The following XPA variants were observed in gnomAD, a reference collection of about 807,000 sequenced individuals.
The protein encoded by XPA is XPA, DNA damage recognition and repair factor.
A neutral mutation model predicts 35.7 loss-of-function variants in XPA; 27 were observed. The ratio of observed to expected loss-of-function variants is 0.76; its 90% CI spans 0.56 to 1.04. The LOEUF is 1.04. XPA is among the 50% of genes least tolerant of loss of function. XPA has a pLI of 0.00. For missense variants in XPA, 354 were observed against 342.7 expected, an observed-to-expected ratio of 1.03 and a Z score of -0.26; for synonymous variants, 133 against 118.4, an observed-to-expected ratio of 1.12 and a Z score of -0.80.
At chr9:97,663,174 C>T in the XPA span, 16 of 691,304 alleles carry the variant, frequency 2.3e-5, no homozygotes, top group Non-Finnish European at 4.0e-5. Flanking sequence ...GTTTTTAGAT[C>T]TAATTCTTTC....
downstream of XPA, chr9:97,674,788 A>G: frequency 2.6e-6 from 1 of 381,904 alleles, no homozygotes; most frequent in South Asian, 2.2e-5. Context: ...GCCTTCTTTG[A>G]TCAACAATCA....
chr9:97,686,177 A>G (rs1828711192), intron 4 of XPA, among the ~76,000 whole-genome samples: 1 of 152,216 alleles, frequency 6.6e-6, no homozygotes, highest in Non-Finnish European at 1.5e-5. Flanking sequence ...AGTATAGTAT[A>G]TATTCAAACT....
At chr9:97,659,604 G>A in the XPA span, among the ~76,000 whole-genome samples, 1 of 152,190 alleles carries the variant, frequency 6.6e-6, no homozygotes, top group Non-Finnish European at 1.5e-5. Flanking sequence ...GAGTGGTGGA[G>A]CCCAAATTCA....
chr9:97,662,345 A>G, the XPA span, among the ~76,000 whole-genome samples: 102 of 152,334 alleles, frequency 6.7e-4, no homozygotes, highest in African/African-American at 2.4e-3. Flanking sequence ...GCATATGTAC[A>G]TGGTAAGTGC....
intron 3 of XPA, among the ~76,000 whole-genome samples, chr9:97,688,791 C>T (rs1828795426): frequency 6.6e-6 from 1 of 151,704 alleles, no homozygotes; most frequent in South Asian, 2.1e-4. Flanking sequence ...TGATGGCTCC[C>T]AATGTCTGCA....
intron 4 of XPA, among the ~76,000 whole-genome samples, chr9:97,686,828 G>A (rs902066130): frequency 2.0e-5 from 3 of 152,190 alleles, no homozygotes; most frequent in Non-Finnish European, 4.4e-5. Context: ...ACCTGAGCCC[G>A]GGAGGTCAAG....
chr9:97,674,942 A>AT lies in XPA; in HGVS notation c.*496dup, dbSNP rs1434024091. 3.9e-6 allele frequency: 2 copies of AT among 515,684 alleles called. No homozygotes were observed. Among genetic ancestry groups the AT allele is most frequent in the South Asian group, 3.1e-5 (2 of 65,018 alleles). 31.9% of individuals were successfully genotyped at this position (515,684 alleles called of 1,614,324 possible). A position where few individuals can be genotyped will look rare whatever the true frequency, so the allele number is the denominator to read the frequency against. On this transcript the variant is annotated 3_prime_UTR_variant, in exon 6 of 6. Transcript: ENST00000375128. ...GTACAACTCAATGTTTATTTCTGCT[A>AT]TTAGGGCTTTTTCCAGCAGTAGTTC...
the XPA span, chr9:97,655,570 C>T: frequency 9.8e-6 from 6 of 612,768 alleles, no homozygotes; most frequent in East Asian, 1.5e-4. Flanking sequence ...GATACAACTG[C>T]ATGTAGGGGA....
At position 97,675,265 on chromosome 9, in the gene XPA, C is replaced by T. The variant is rs575260773; in HGVS notation, c.*174G>A. 3 of 794,856 alleles carry T rather than the reference C, an allele frequency of 3.8e-6. No homozygotes were observed. Among genetic ancestry groups the T allele is most frequent in the African/African-American group, 1.7e-5 (1 of 58,216 alleles). 49.2% of individuals were successfully genotyped at this position (794,856 alleles called of 1,614,324 possible). A position where few individuals can be genotyped will look rare whatever the true frequency, so the allele number is the denominator to read the frequency against. ...ACACAACCAGGCCAGGTGACCTTCA[C>T]TGAAACTTGCTTTTAAGCCATAACA... On this transcript the variant is annotated 3_prime_UTR_variant, in exon 6 of 6. Coordinates refer to ENST00000375128, the MANE Select transcript of XPA (RefSeq NM_000380.4).
the XPA span, chr9:97,662,201 A>T: frequency 8.1e-7 from 1 of 1,235,498 alleles, no homozygotes; most frequent in Non-Finnish European, 1.2e-6. Flanking sequence ...GGTGAACACC[A>T]GTGGTATGGT....
the XPA span, among the ~76,000 whole-genome samples, chr9:97,664,187 G>C: frequency 1.3e-5 from 2 of 152,070 alleles, no homozygotes; most frequent in South Asian, 4.2e-4. Context: ...CCAAAAAAAA[G>C]ACCTAATGGT....
Position 97,697,268 on chromosome 9 carries a change from G to T in XPA, c.25C>A (p.Pro9Thr). The T allele has an allele frequency of 6.3e-7, 1 of 1,598,970 alleles. No individual in the cohort carries two copies. ...GGTTGCTCTAAAGCCGCCGCCTCCG[G>T]CAAAGCCCCGTCGGCCGCCGCCATC... is the stretch of plus-strand genomic sequence containing the variant. MAAADGALPEAAALEQPAE... is the reference protein window; with the variant it reads MAAADGALTEAAALEQPAE... Residue 9 changes from proline to threonine, a missense_variant, in exon 1 of 6, where the codon CCG (proline) becomes ACG (threonine). By Grantham distance (38) the Pro-to-Thr change is conservative. Transcript: ENST00000375128.
intron 3 of XPA, among the ~76,000 whole-genome samples, chr9:97,688,366 C>G (rs796734043): frequency 3.9e-5 from 6 of 152,304 alleles, no homozygotes; most frequent in African/African-American, 1.2e-4. Context: ...CCCTCTGACT[C>G]TCAGCTTTCC....
chr9:97,662,893 A>G, the XPA span: 3 of 1,283,272 alleles, frequency 2.3e-6, 1 homozygote, highest in Non-Finnish European at 3.3e-6. Context: ...AAGGCTTTGA[A>G]AACACTAAAA....
At chr9:97,676,103 G>A (rs1446486557) in intron 5 of XPA, 1 of 157,904 alleles carries the variant, frequency 6.3e-6, no homozygotes, top group African/African-American at 2.4e-5. Context: ...AAAAGTGCTT[G>A]TGCAATAAGA....
intron 5 of XPA, among the ~76,000 whole-genome samples, chr9:97,678,651 C>T (rs1471937678): frequency 6.6e-6 from 1 of 152,174 alleles, no homozygotes; most frequent in Non-Finnish European, 1.5e-5. Flanking sequence ...GTTCTTATAA[C>T]CATCATACTA....
intron 3 of XPA, among the ~76,000 whole-genome samples, 188 bp from the exon 4 acceptor site, chr9:97,687,449 G>A (rs1587746523): frequency 6.6e-6 from 1 of 152,214 alleles, no homozygotes; most frequent in Middle Eastern, 3.4e-3. Flanking sequence ...ACTTATTCTG[G>A]TAAGTTACAT....
the XPA span, chr9:97,668,992 A>G: frequency 1.9e-6 from 3 of 1,587,702 alleles, no homozygotes; most frequent in African/African-American, 1.4e-5. Context: ...GGCTTGGGAC[A>G]TTTATACATA....
the XPA span, chr9:97,666,696 G>A: frequency 9.1e-7 from 1 of 1,096,322 alleles, no homozygotes; most frequent in Admixed American, 2.6e-5. Context: ...AATTACAAAA[G>A]TTGAAAGATT....
Sources: gnomAD v4.1 joint callset for allele counts (sites outside exome capture counted in the v4.1 genomes callset) on GRCh38, gnomAD v4.1.1 for gene constraint, MANE v1.5 for transcripts, NCBI Gene and HGNC (gene_info 2026-07-23, HGNC 2026-07-21) for gene names.